The following GALNT13 variants were observed in gnomAD, a reference collection of about 807,000 sequenced individuals.
The protein encoded by GALNT13 is UDP-GalNAc:polypeptide N-acetylgalactosaminyltransferase 13.
A neutral mutation model predicts 64.2 loss-of-function variants in GALNT13; 28 were observed. The ratio of observed to expected loss-of-function variants is 0.44; its 90% CI spans 0.32 to 0.60. The LOEUF is 0.60. GALNT13 is among the 20% of genes least tolerant of loss of function. The pLI is 0.05. For missense variants in GALNT13, 577 were observed against 669.8 expected (o/e 0.86, Z 1.53); for synonymous variants, 214 against 224.6 (o/e 0.95, Z 0.42).
chr2:153,526,651 A>G, the GALNT13 span, among the ~76,000 whole-genome samples: 1 of 152,218 alleles, frequency 6.6e-6, no homozygotes, highest in Admixed American at 6.5e-5. Context: ...ACAGACAAAT[A>G]TGTACAAGTA....
At chr2:153,773,631 T>G in the GALNT13 span, among the ~76,000 whole-genome samples, 4 of 152,188 alleles carry the variant, frequency 2.6e-5, no homozygotes, top group African/African-American at 9.7e-5. Flanking sequence ...GAAGAATGGT[T>G]GTCACATCAT....
the GALNT13 span, among the ~76,000 whole-genome samples, chr2:153,695,783 G>C: frequency 6.6e-6 from 1 of 152,102 alleles, no homozygotes; most frequent in African/African-American, 2.4e-5. Flanking sequence ...GTCTCTTTTT[G>C]AAGAAGTAAG....
chr2:154,032,012 T>G (rs1219137428), intron 3 of GALNT13, among the ~76,000 whole-genome samples: 1 of 151,706 alleles, frequency 6.6e-6, no homozygotes, highest in African/African-American at 2.4e-5. Context: ...TTATATAATA[T>G]CAGAACAGAA....
the GALNT13 span, among the ~76,000 whole-genome samples, chr2:153,789,536 G>A: frequency 2.6e-5 from 4 of 152,068 alleles, no homozygotes; most frequent in Non-Finnish European, 5.9e-5. Flanking sequence ...AGAAGAACTA[G>A]AGAAGCAAGA....
the GALNT13 span, among the ~76,000 whole-genome samples, chr2:153,215,432 A>G: frequency 1.1e-4 from 17 of 152,234 alleles, no homozygotes; most frequent in East Asian, 2.9e-3. Flanking sequence ...AAGTTTTATA[A>G]CTTGCTCAAC....
chr2:153,104,739 C>A, the GALNT13 span, among the ~76,000 whole-genome samples: 1 of 152,066 alleles, frequency 6.6e-6, no homozygotes, highest in Non-Finnish European at 1.5e-5. Context: ...TATTCTGTAA[C>A]CTATGGAAGC....
intron 9 of GALNT13, among the ~76,000 whole-genome samples, chr2:154,352,914 G>T (rs954525308): frequency 1.3e-5 from 2 of 152,168 alleles, no homozygotes; most frequent in African/African-American, 2.4e-5. Context: ...TAGGCTTACT[G>T]TTAGTATCCT....
chr2:153,488,373 T>C, the GALNT13 span, among the ~76,000 whole-genome samples: 1 of 152,176 alleles, frequency 6.6e-6, no homozygotes, highest in Non-Finnish European at 1.5e-5. Flanking sequence ...GGGTGTTCTT[T>C]TAGACACTGT....
At chr2:154,253,084 G>A (rs1355974787) in intron 7 of GALNT13, among the ~76,000 whole-genome samples, 1 of 152,062 alleles carries the variant, frequency 6.6e-6, no homozygotes. Context: ...CTTTGTGCTG[G>A]TATTGTTTCA....
At chr2:154,370,349 G>A (rs1559118504) in intron 9 of GALNT13, among the ~76,000 whole-genome samples, 1 of 152,056 alleles carries the variant, frequency 6.6e-6, no homozygotes, top group African/African-American at 2.4e-5. Context: ...AAATTACTCT[G>A]GTGGCTATGT....
intron 4 of GALNT13, among the ~76,000 whole-genome samples, chr2:154,145,134 T>A (rs1223620746): frequency 1.4e-5 from 2 of 138,128 alleles, no homozygotes; most frequent in African/African-American, 5.1e-5. Context: ...ACACTAAAAA[T>A]TTACATATAA....
chr2:154,210,062 G>A (rs924618239), intron 4 of GALNT13, among the ~76,000 whole-genome samples: 6 of 152,100 alleles, frequency 3.9e-5, no homozygotes, highest in African/African-American at 1.4e-4. Flanking sequence ...GAATGTTTTA[G>A]ATTCCACTCA....
At chr2:153,855,262 G>A in the GALNT13 span, among the ~76,000 whole-genome samples, 1 of 152,084 alleles carries the variant, frequency 6.6e-6, no homozygotes, top group Non-Finnish European at 1.5e-5. Flanking sequence ...TGTAACATGG[G>A]AGAACATATT....
the GALNT13 span, among the ~76,000 whole-genome samples, chr2:153,663,926 T>C: frequency 1.3e-5 from 2 of 152,170 alleles, no homozygotes; most frequent in East Asian, 3.9e-4. Flanking sequence ...AAATTTTTAT[T>C]TGCAAGTTTT....
At chr2:154,409,173 A>G (rs1415565207) in intron 11 of GALNT13, 91 bp downstream of exon 11, 2 of 809,778 alleles carry the variant, frequency 2.5e-6, no homozygotes, top group Admixed American at 1.9e-5. Flanking sequence ...GTTAATAACT[A>G]TAAACTGAGC....
chr2:153,360,295 G>A, the GALNT13 span, among the ~76,000 whole-genome samples: 1 of 152,208 alleles, frequency 6.6e-6, no homozygotes, highest in African/African-American at 2.4e-5. Context: ...CAGACTGGAA[G>A]ATCCCACTAG....
At chr2:154,441,558 C>T (rs556075666) in intron 12 of GALNT13, among the ~76,000 whole-genome samples, 43 of 152,160 alleles carry the variant, frequency 2.8e-4, no homozygotes, top group Non-Finnish European at 2.8e-4. Flanking sequence ...AAGATTACAC[C>T]GCTAGCAGCA....
intron 9 of GALNT13, among the ~76,000 whole-genome samples, chr2:154,309,796 C>T (rs1693933187): frequency 6.6e-6 from 1 of 152,192 alleles, no homozygotes; most frequent in South Asian, 2.1e-4. Flanking sequence ...CTTGCCTACT[C>T]CTCTTAGAGC....
rs141427315 is a variant in GALNT13, at chr2:154,320,250, A to G, written c.1156+18661A>G. On this transcript the variant is annotated intron_variant, in intron 9 of 12. Coordinates refer to ENST00000392825, the MANE Select transcript of GALNT13 (RefSeq NM_052917.4). ...AATCTGCACCTTTAACAATGAAAAT[A>G]TAATTTCTTCATTGTCAAGGGAGAA... is the stretch of plus-strand genomic sequence containing the variant. Among the ~76,000 whole-genome samples the G allele has an allele frequency of 8.8e-4, 134 of 152,306 alleles. 3 individuals are homozygous for G. The East Asian group carries it at 0.02, about 23-fold the overall frequency.
Sources: allele counts gnomAD v4.1 joint callset (sites outside exome capture counted in the v4.1 genomes callset), GRCh38; gene constraint gnomAD v4.1.1; transcripts MANE v1.5; gene names NCBI Gene and HGNC (gene_info 2026-07-23, HGNC 2026-07-21).